The following ARID1B variants were observed in gnomAD, a reference collection of about 807,000 sequenced individuals.
The protein encoded by ARID1B is AT-rich interactive domain-containing protein 1B.
In ARID1B, 30 loss-of-function variants were observed where a neutral mutation model predicts 212.3. The observed-to-expected ratio is 0.14, with a 90% CI of 0.11 to 0.19. The LOEUF (loss-of-function observed/expected upper bound fraction) is 0.19. ARID1B is among the 10% of genes least tolerant of loss of function. The pLI is 1.00. For synonymous variants in ARID1B, 1,402 were observed against 1,301.7 expected (o/e 1.08, Z -1.66); for missense variants, 2,891 against 3,204.0 (o/e 0.90, Z 2.36).
At chr6:156,904,150 T>C (rs1278291440) in intron 3 of ARID1B, among the ~76,000 whole-genome samples, 1 of 152,248 alleles carries the variant, frequency 6.6e-6, no homozygotes, top group Non-Finnish European at 1.5e-5. Context: ...CTAGAGTTTC[T>C]TTATATCAAG....
intron 4 of ARID1B, among the ~76,000 whole-genome samples, chr6:157,021,853 C>T (rs892711094): frequency 4.5e-4 from 68 of 152,092 alleles, no homozygotes; most frequent in African/African-American, 1.6e-3. Flanking sequence ...ACGCAGGCAC[C>T]GAGTGTTTCC....
rs57374747 is a variant in ARID1B at position 156,911,338 on chromosome 6, G to GTT, written c.2136+9833_2136+9834dup. Reference sequence around the variant, plus strand: ...GGTTCTAGACTCAGCTAAATAATTAGTTTTTTTTTTTTTTTTTTTTTGCTT... The same window carrying GTT: ...GGTTCTAGACTCAGCTAAATAATTAGTTTTTTTTTTTTTTTTTTTTTTTGCTT... On this transcript the variant is annotated intron_variant, in intron 3 of 19. Transcript: ENST00000636930. Among the ~76,000 whole-genome samples, 498 of 105,268 alleles carry GTT rather than the reference G, an allele frequency of 4.7e-3. 3 individuals are homozygous for GTT. Among genetic ancestry groups the GTT allele is most frequent in the East Asian group, 0.033 (106 of 3,230 alleles). 69.1% of individuals were successfully genotyped at this position (105,268 alleles called of 152,430 possible).
In ARID1B at chr6:156,891,894, C is replaced by T. The variant is rs1164669854; in HGVS notation, c.1987-9482C>T. The stretch of plus-strand genomic sequence containing the variant: ...TTTCTGTTTTTTTTTTTTTTTGAGA[C>T]GGAGTCTCACACTTTCCCCCGGGCT... On this transcript the variant is annotated intron_variant, in intron 2 of 19. Coordinates refer to ENST00000636930, the MANE Select transcript of ARID1B (RefSeq NM_001374828.1). Among the ~76,000 whole-genome samples, 9 of 140,434 alleles carry T rather than the reference C, an allele frequency of 6.4e-5. No homozygotes were observed. The South Asian group carries it at 6.6e-4, about 10-fold the overall frequency. The allele number at this position is 140,434 out of a possible 152,430, so 92.1% of individuals were successfully genotyped here. A position where few individuals can be genotyped will look rare whatever the true frequency, so the allele number is the denominator to read the frequency against.
chr6:157,194,630 A>G (rs183141603), intron 15 of ARID1B: 4 of 152,346 alleles, frequency 2.6e-5, no homozygotes, highest in African/African-American at 7.2e-5. Flanking sequence ...TGTTAGAAAT[A>G]GTTGTATTTC....
intron 2 of ARID1B, among the ~76,000 whole-genome samples, chr6:156,892,235 A>G (rs1788002853): frequency 6.6e-6 from 1 of 152,004 alleles, no homozygotes; most frequent in Non-Finnish European, 1.5e-5. Flanking sequence ...ATTTTGGGTT[A>G]AAAGAACGTT....
At chr6:156,873,869 G>C (rs1231011773) in intron 2 of ARID1B, among the ~76,000 whole-genome samples, 1 of 152,150 alleles carries the variant, frequency 6.6e-6, no homozygotes, top group Non-Finnish European at 1.5e-5. Flanking sequence ...TCTCTCAGCT[G>C]CGGGCCAGCC....
At chr6:157,191,426 G>A (rs899847111) in intron 15 of ARID1B, among the ~76,000 whole-genome samples, 3 of 152,174 alleles carry the variant, frequency 2.0e-5, no homozygotes, top group African/African-American at 4.8e-5. Flanking sequence ...AAGGCATGGA[G>A]TGCATGGCTG....
intron 1 of ARID1B, among the ~76,000 whole-genome samples, chr6:156,809,128 TACTC>T (rs1583078160): frequency 2.6e-5 from 4 of 152,334 alleles, no homozygotes; most frequent in African/African-American, 2.4e-5. Flanking sequence ...TTACGTTACT[TACTC>T]TGTACTTTCA....
chr6:156,959,925 CTTTTTT>C (rs138881152), intron 4 of ARID1B, among the ~76,000 whole-genome samples: 2 of 122,576 alleles, frequency 1.6e-5, no homozygotes, highest in African/African-American at 6.2e-5. Flanking sequence ...TTGTCAGCTT[CTTTTTT>C]TTTTTTTTTT....
At chr6:156,940,238 A>G (rs1256258666) in intron 4 of ARID1B, 4 of 152,212 alleles carry the variant, frequency 2.6e-5, no homozygotes, top group South Asian at 4.1e-4. Flanking sequence ...AAATATTTCT[A>G]TAAATATTGG....
At chr6:157,191,390 G>C (rs1045468307) in intron 15 of ARID1B, among the ~76,000 whole-genome samples, 7 of 152,128 alleles carry the variant, frequency 4.6e-5, no homozygotes, top group Admixed American at 2.0e-4. Context: ...GGAACCTGGA[G>C]TCCCTCTGGG....
intron 8 of ARID1B, among the ~76,000 whole-genome samples, chr6:157,156,049 A>G (rs1790553603): frequency 6.6e-6 from 1 of 152,178 alleles, no homozygotes; most frequent in Admixed American, 6.5e-5. Context: ...TGATGGACGA[A>G]GAGCTGCTGA....
Position 156,779,017 on chromosome 6 carries a change from C to T in ARID1B, c.1337C>T (p.Ala446Val), listed in dbSNP as rs748273011. ...GGCGGCGGCTATGGGGGCTCGTCCG[C>T]GGGGTACGGGGTGCTGAGCTCCCCC... is the stretch of plus-strand genomic sequence containing the variant. ...GGGGGYGGSSAGYGVLSSPRQ... is the reference protein window; with the variant it reads ...GGGGGYGGSSVGYGVLSSPRQ... The change falls in exon 1 of 20, where the codon GCG becomes GTG. Residue 446 changes from alanine to valine, a missense_variant. By Grantham distance (64) the Ala-to-Val change is moderately conservative (BLOSUM62 0). This residue lies in a region of ARID1B where 1,643 missense variants were observed against 1,544.0 expected (regional missense o/e 1.06). Transcript: ENST00000636930. The T allele has an allele frequency of 3.5e-4, 442 of 1,250,118 alleles. 2 individuals carry two copies. The South Asian group carries it at 0.01, about 30-fold the overall frequency. 77.4% of individuals were successfully genotyped at this position (1,250,118 alleles called of 1,614,324 possible).
At chr6:157,053,046 A>G (rs1205501606) in intron 4 of ARID1B, among the ~76,000 whole-genome samples, 1 of 151,432 alleles carries the variant, frequency 6.6e-6, no homozygotes, top group Non-Finnish European at 1.5e-5. Context: ...AGCCTGATTT[A>G]CAACAGTGCA....
chr6:156,942,349 A>G (rs892821186), intron 4 of ARID1B: 2 of 152,236 alleles, frequency 1.3e-5, no homozygotes, highest in African/African-American at 4.8e-5. Flanking sequence ...TTTTGCCATA[A>G]CAAGTGAGGG....
In ARID1B at chr6:157,076,079, A is replaced by T. The variant is rs1172908881; in HGVS notation, c.2248-8583A>T. ...GAAATGTTGCTGTTAGGGAAACCGG[A>T]TGAAGGATGTAAAGGAACTCTCAGT... On this transcript the variant is annotated intron_variant, in intron 4 of 19. Transcript: ENST00000636930. Among the ~76,000 whole-genome samples, 7 of 152,348 alleles carry T rather than the reference A, an allele frequency of 4.6e-5. No individual in the cohort carries two copies. In the South Asian group the frequency reaches 1.0e-3, roughly 23 times the overall value.
intron 2 of ARID1B, among the ~76,000 whole-genome samples, chr6:156,858,062 T>C (rs1052225840): frequency 6.6e-6 from 1 of 152,212 alleles, no homozygotes; most frequent in South Asian, 2.1e-4. Flanking sequence ...AATGAAATCC[T>C]GTCATTTCGA....
chr6:156,800,589 A>G lies in ARID1B; in HGVS notation c.1791+21118A>G, dbSNP rs1349735206. Among the ~76,000 whole-genome samples, 12 of 152,074 alleles carry G rather than the reference A, an allele frequency of 7.9e-5. 1 individual carries two copies. The highest frequency in any genetic ancestry group is 7.2e-4 in the Admixed American group (11 of 15,270). On this transcript the variant is annotated intron_variant, in intron 1 of 19. Coordinates refer to ENST00000636930, the MANE Select transcript of ARID1B (RefSeq NM_001374828.1). ...GGGTGACAGAGCAATACTCCATCTC[A>G]AAAGAAAAAAAAGCAAATAAAATAA...
At chr6:156,899,429 C>G (rs1218419440) in intron 2 of ARID1B, among the ~76,000 whole-genome samples, 4 of 152,168 alleles carry the variant, frequency 2.6e-5, no homozygotes, top group Non-Finnish European at 5.9e-5. Flanking sequence ...CCCAGGCTTA[C>G]AGAAGGTGGG....
Sources: gnomAD v4.1 joint callset for allele counts (sites outside exome capture counted in the v4.1 genomes callset) on GRCh38, gnomAD v4.1.1 for gene constraint, gnomAD v4.1.1 regional missense constraint, MANE v1.5 for transcripts, NCBI Gene and HGNC (gene_info 2026-07-23, HGNC 2026-07-21) for gene names.